The following STXBP5L variants were observed in gnomAD, a reference collection of about 807,000 sequenced individuals.
The protein encoded by STXBP5L is syntaxin-binding protein 5-like.
A neutral mutation model predicts 144.5 loss-of-function variants in STXBP5L; 65 were observed. That is an observed-to-expected ratio of 0.45 (90% CI 0.37 to 0.55). STXBP5L has a LOEUF of 0.55. Among genes scored for constraint, STXBP5L ranks in the 20% least tolerant of loss-of-function variants. The probability of loss-of-function intolerance (pLI) is 0.00; values close to 1 mark genes in which losing one functional copy is unlikely to be tolerated. For synonymous variants in STXBP5L, 505 were observed against 469.6 expected (o/e 1.08, Z -0.97); for missense variants, 1,298 against 1,405.5 (o/e 0.92, Z 1.22).
intron 10 of STXBP5L, among the ~76,000 whole-genome samples, chr3:121,213,655 A>G (rs1295127615): frequency 7.4e-6 from 1 of 135,986 alleles, no homozygotes; most frequent in Non-Finnish European, 1.6e-5. Context: ...TTCATCAGGG[A>G]TATTGGCCTG....
intron 20 of STXBP5L, among the ~76,000 whole-genome samples, chr3:121,355,749 C>T (rs561955464): frequency 5.5e-4 from 83 of 152,280 alleles, no homozygotes; most frequent in Middle Eastern, 3.4e-3. Context: ...AGCTGCAATC[C>T]TTGGGAGGAG....
intron 10 of STXBP5L, among the ~76,000 whole-genome samples, chr3:121,221,756 G>A (rs1489114664): frequency 6.6e-6 from 1 of 151,578 alleles, no homozygotes; most frequent in African/African-American, 2.4e-5. Flanking sequence ...AGTAAAATAA[G>A]TTAGAGTATT....
intron 20 of STXBP5L, among the ~76,000 whole-genome samples, chr3:121,340,772 G>C (rs1028240428): frequency 1.3e-5 from 2 of 151,916 alleles, no homozygotes; most frequent in African/African-American, 4.8e-5. Context: ...AAAGACCCAG[G>C]TGAACCAATA....
intron 22 of STXBP5L, among the ~76,000 whole-genome samples, chr3:121,392,409 C>T (rs2046611894): frequency 6.6e-6 from 1 of 152,088 alleles, no homozygotes; most frequent in African/African-American, 2.4e-5. Context: ...GTGGGCTGCA[C>T]CCACTATCCA....
intron 5 of STXBP5L, among the ~76,000 whole-genome samples, chr3:121,062,053 G>A (rs545412884): frequency 9.9e-5 from 15 of 152,216 alleles, no homozygotes; most frequent in Middle Eastern, 3.4e-3. Flanking sequence ...TAGTTTCTTC[G>A]TAGAGTCGAT....
intron 22 of STXBP5L, among the ~76,000 whole-genome samples, chr3:121,398,656 A>G (rs2046794889): frequency 6.6e-6 from 1 of 152,132 alleles, no homozygotes; most frequent in African/African-American, 2.4e-5. Flanking sequence ...CACAGTTAAA[A>G]CAAGCCCCAG....
chr3:121,366,895 A>G (rs575982412), intron 20 of STXBP5L, among the ~76,000 whole-genome samples: 1 of 151,942 alleles, frequency 6.6e-6, no homozygotes, highest in East Asian at 1.9e-4. Context: ...TTCCTTTCTC[A>G]TTTCCTATTG....
At chr3:121,093,634 T>C (rs534648113) in intron 5 of STXBP5L, among the ~76,000 whole-genome samples, 1 of 152,320 alleles carries the variant, frequency 6.6e-6, no homozygotes, top group African/African-American at 2.4e-5. Flanking sequence ...TTTATCATTT[T>C]TTCTTGCTTC....
At chr3:121,093,956 A>G (rs188126765) in intron 5 of STXBP5L, among the ~76,000 whole-genome samples, 24 of 151,824 alleles carry the variant, frequency 1.6e-4, no homozygotes, top group Admixed American at 1.1e-3. Flanking sequence ...TGTCCCGGAG[A>G]TTCTGGTACG....
intron 20 of STXBP5L, among the ~76,000 whole-genome samples, chr3:121,368,354 TA>T (rs2045928869): frequency 6.6e-6 from 1 of 152,132 alleles, no homozygotes; most frequent in Admixed American, 6.5e-5. Flanking sequence ...TCTTTACTGA[TA>T]TTTATATTTT....
Position 121,385,151 on chromosome 3 carries a change from A to G in STXBP5L, c.2587+3619A>G, listed in dbSNP as rs564844275. On this transcript the variant is annotated intron_variant, in intron 22 of 26. Coordinates refer to ENST00000471454, the MANE Select transcript of STXBP5L (RefSeq NM_001308330.2). Reference sequence around the variant, plus strand: ...CAGTGGTAGATGCTTTTTCATTGCTATAAATGAATACCTGAGATTGGGCAA... The same window carrying G: ...CAGTGGTAGATGCTTTTTCATTGCTGTAAATGAATACCTGAGATTGGGCAA... Among the ~76,000 whole-genome samples, 3 of 152,232 alleles carry G rather than the reference A, an allele frequency of 2.0e-5. No homozygotes were observed. The East Asian group carries it at 5.8e-4, about 29-fold the overall frequency.
In STXBP5L at chr3:121,378,170, G is replaced by T. The variant is rs568916608; in HGVS notation, c.2177-546G>T. Among the ~76,000 whole-genome samples, 22 of 152,074 alleles carry T rather than the reference G, an allele frequency of 1.4e-4. 1 individual carries two copies. Among genetic ancestry groups the T allele is most frequent in the Admixed American group, 7.9e-4 (12 of 15,262 alleles). On this transcript the variant is annotated intron_variant, in intron 20 of 26. Transcript: ENST00000471454. ...AACATCACACACCGAGGCCTGTCGG[G>T]GGGTGGGGGGAAAGGGGAGGGAGAG...
intron 5 of STXBP5L, among the ~76,000 whole-genome samples, chr3:121,047,548 C>T (rs1162910781): frequency 6.6e-6 from 1 of 152,134 alleles, no homozygotes; most frequent in African/African-American, 2.4e-5. Context: ...GTGTTGGGTG[C>T]ATATATATTT....
chr3:120,974,467 A>C (rs9880218), intron 3 of STXBP5L, among the ~76,000 whole-genome samples: 1 of 142,232 alleles, frequency 7.0e-6, no homozygotes, highest in Non-Finnish European at 1.5e-5. Flanking sequence ...AGTAGGTTGC[A>C]AAAATATTCT....
intron 5 of STXBP5L, among the ~76,000 whole-genome samples, chr3:121,060,880 G>A (rs1003161251): frequency 6.6e-6 from 1 of 151,886 alleles, no homozygotes; most frequent in African/African-American, 2.4e-5. Context: ...TATTAGTCTG[G>A]CTAGCGGTCT....
intron 22 of STXBP5L, among the ~76,000 whole-genome samples, chr3:121,395,963 G>T (rs1173849015): frequency 6.6e-6 from 1 of 152,222 alleles, no homozygotes; most frequent in East Asian, 1.9e-4. Flanking sequence ...TTATGAAAAA[G>T]TTTCAGGTGT....
At chr3:121,400,459 G>T (rs141003999) in intron 22 of STXBP5L, among the ~76,000 whole-genome samples, 1,917 of 152,316 alleles carry the variant, frequency 0.013, 19 homozygotes, top group Non-Finnish European at 0.017. Flanking sequence ...AACCAGTCCT[G>T]TTCCAGGTAG....
intron 2 of STXBP5L, among the ~76,000 whole-genome samples, chr3:120,931,245 T>C (rs918907658): frequency 6.6e-6 from 1 of 152,170 alleles, no homozygotes; most frequent in Non-Finnish European, 1.5e-5. Flanking sequence ...TCATTTGTTA[T>C]CCTAAGACGT....
At chr3:121,178,625 C>T (rs1422406080) in intron 9 of STXBP5L, among the ~76,000 whole-genome samples, 7 of 151,970 alleles carry the variant, frequency 4.6e-5, no homozygotes, top group Non-Finnish European at 7.4e-5. Flanking sequence ...GAGAATCTGC[C>T]TCTGAATGCA....
Sources: allele counts gnomAD v4.1 joint callset (sites outside exome capture counted in the v4.1 genomes callset), GRCh38; gene constraint gnomAD v4.1.1; transcripts MANE v1.5; gene names NCBI Gene and HGNC (gene_info 2026-07-23, HGNC 2026-07-21).